Variants in FUT8 observed in about 807,000 individuals in gnomAD.
FUT8 encodes the protein alpha-(1,6)-fucosyltransferase.
A neutral mutation model predicts 71.3 loss-of-function variants in FUT8; 29 were observed. That is an observed-to-expected ratio of 0.41 (90% CI 0.30 to 0.55). The LOEUF (loss-of-function observed/expected upper bound fraction) is 0.55, where lower values mean the gene tolerates loss of function less well. FUT8 is among the 20% of genes least tolerant of loss of function. The probability of loss-of-function intolerance (pLI) is 0.34; values close to 1 mark genes in which losing one functional copy is unlikely to be tolerated. For synonymous variants in FUT8, 254 were observed against 239.3 expected, an observed-to-expected ratio of 1.06 and a Z score of -0.57; for missense variants, 544 against 702.1, an observed-to-expected ratio of 0.77 and a Z score of 2.55.
chr14:65,498,248 C>A (rs2139754914), intron 2 of FUT8, among the ~76,000 whole-genome samples: 1 of 152,164 alleles, frequency 6.6e-6, no homozygotes, highest in Non-Finnish European at 1.5e-5. Flanking sequence ...TTTTTAGATT[C>A]TTCAAGTAAA....
chr14:65,446,373 G>A (rs2065740942), intron 1 of FUT8, among the ~76,000 whole-genome samples: 1 of 152,218 alleles, frequency 6.6e-6, no homozygotes, highest in Non-Finnish European at 1.5e-5. Flanking sequence ...AATAGGAAGT[G>A]TGTCATCAGA....
intron 1 of FUT8, among the ~76,000 whole-genome samples, chr14:65,426,193 T>A (rs2065384745): frequency 6.6e-6 from 1 of 152,132 alleles, no homozygotes; most frequent in Non-Finnish European, 1.5e-5. Context: ...CATATATAAG[T>A]AAGATCATGT....
At chr14:65,362,051 C>G in the FUT8 span, among the ~76,000 whole-genome samples, 1 of 152,136 alleles carries the variant, frequency 6.6e-6, no homozygotes, top group Non-Finnish European at 1.5e-5. Flanking sequence ...GCTTTGGTTT[C>G]GCCAGTTGTG....
intron 1 of FUT8, among the ~76,000 whole-genome samples, chr14:65,445,424 C>T (rs1261397650): frequency 2.0e-5 from 3 of 152,082 alleles, no homozygotes; most frequent in Non-Finnish European, 4.4e-5. Flanking sequence ...CTCAGGTATT[C>T]TGTTATGGCA....
chr14:65,701,918 CT>C (rs1310703242), intron 7 of FUT8, among the ~76,000 whole-genome samples: 2 of 152,090 alleles, frequency 1.3e-5, no homozygotes, highest in African/African-American at 2.4e-5. Context: ...CATTTTGAGT[CT>C]CACTGAAACT....
At chr14:65,493,542 T>C (rs768310367) in intron 2 of FUT8, among the ~76,000 whole-genome samples, 9 of 152,298 alleles carry the variant, frequency 5.9e-5, no homozygotes, top group Non-Finnish European at 2.9e-5. Context: ...TCTCAGGTAC[T>C]GTGCTAAATG....
At chr14:65,358,813 T>C in the FUT8 span, among the ~76,000 whole-genome samples, 1 of 152,210 alleles carries the variant, frequency 6.6e-6, no homozygotes, top group Non-Finnish European at 1.5e-5. Flanking sequence ...CTGTTATTTG[T>C]GTTTTTTTGT....
chr14:65,616,776 A>G (rs1417571235), intron 5 of FUT8, among the ~76,000 whole-genome samples: 1 of 152,156 alleles, frequency 6.6e-6, no homozygotes, highest in Non-Finnish European at 1.5e-5. Flanking sequence ...CAAACATTAA[A>G]AACTTTAAAA....
chr14:65,494,173 G>C (rs145665996), intron 2 of FUT8, among the ~76,000 whole-genome samples: 1 of 152,078 alleles, frequency 6.6e-6, no homozygotes, highest in East Asian at 1.9e-4. Context: ...CATTTAAAAA[G>C]CAAAAAGAAG....
intron 7 of FUT8, among the ~76,000 whole-genome samples, chr14:65,706,541 G>A (rs1436757652): frequency 1.3e-5 from 2 of 152,090 alleles, no homozygotes; most frequent in East Asian, 3.8e-4. Flanking sequence ...TAAACTGGGT[G>A]GCCTATAAAC....
chr14:65,485,630 G>A (rs556342964), intron 2 of FUT8, among the ~76,000 whole-genome samples: 19 of 152,296 alleles, frequency 1.2e-4, no homozygotes, highest in African/African-American at 4.3e-4. Flanking sequence ...TCCAGTAGTT[G>A]TCTCACACTT....
intron 3 of FUT8, among the ~76,000 whole-genome samples, chr14:65,571,878 G>A (rs900464710): frequency 2.1e-4 from 32 of 152,088 alleles, no homozygotes; most frequent in African/African-American, 7.5e-4. Flanking sequence ...TTTTTCTTGT[G>A]TACTGAAAAG....
intron 6 of FUT8, among the ~76,000 whole-genome samples, chr14:65,636,327 T>C (rs2140285280): frequency 6.6e-6 from 1 of 150,480 alleles, no homozygotes; most frequent in African/African-American, 2.5e-5. Flanking sequence ...TTTTTTTTTG[T>C]TTGTTTCCAT....
chr14:65,621,249 T>C (rs181747391), intron 5 of FUT8, among the ~76,000 whole-genome samples: 2 of 152,234 alleles, frequency 1.3e-5, no homozygotes, highest in Admixed American at 6.5e-5. Flanking sequence ...GTTCCTGTTT[T>C]TTTTTTTGTT....
At chr14:65,706,380 C>G (rs561856167) in intron 7 of FUT8, among the ~76,000 whole-genome samples, 1 of 152,134 alleles carries the variant, frequency 6.6e-6, no homozygotes, top group Non-Finnish European at 1.5e-5. Context: ...GCTCCAGCCT[C>G]CAGCAAGACT....
chr14:65,564,191 G>A (rs148894613), intron 3 of FUT8, among the ~76,000 whole-genome samples: 73 of 151,988 alleles, frequency 4.8e-4, no homozygotes, highest in African/African-American at 1.7e-3. Context: ...TTAATATTTT[G>A]TACTCAATTT....
Position 65,743,958 on chromosome 14 carries a change from A to G in FUT8, c.*1548A>G, listed in dbSNP as rs777618013. The G allele has an allele frequency of 6.6e-6, 1 of 151,868 alleles. No individual in the cohort carries two copies. The highest frequency in any genetic ancestry group is 1.5e-5 in the Non-Finnish European group (1 of 67,864). 9.4% of individuals were successfully genotyped at this position (151,868 alleles called of 1,614,324 possible). On this transcript the variant is annotated 3_prime_UTR_variant, in exon 11 of 11. Coordinates refer to ENST00000673929, the MANE Select transcript of FUT8 (RefSeq NM_001371533.1). The stretch of plus-strand genomic sequence containing the variant: ...AAGAGCTATTAGTCCTGGCCTTCAT[A>G]TCTTCACCAAATGAAAATACTGTAT...
intron 3 of FUT8, among the ~76,000 whole-genome samples, chr14:65,596,096 T>G (rs965007569): frequency 6.6e-6 from 1 of 152,208 alleles, no homozygotes; most frequent in African/African-American, 2.4e-5. Flanking sequence ...TAATCTGGAT[T>G]CTAAAACCTT....
At chr14:65,370,503 C>T in the FUT8 span, among the ~76,000 whole-genome samples, 1,501 of 151,340 alleles carry the variant, frequency 9.9e-3, 26 homozygotes, top group African/African-American at 0.034. Flanking sequence ...CCATTGCGCC[C>T]GGCCACACGT....
Sources: allele counts gnomAD v4.1 joint callset (sites outside exome capture counted in the v4.1 genomes callset), GRCh38; gene constraint gnomAD v4.1.1; transcripts MANE v1.5; gene names NCBI Gene and HGNC (gene_info 2026-07-23, HGNC 2026-07-21).